RTN4IP1: variants seen among roughly 807,000 people sequenced by gnomAD.
The protein encoded by RTN4IP1 is NAD(P)H oxidoreductase RTN4IP1, mitochondrial.
Under a neutral mutation model 46.6 loss-of-function variants are expected in RTN4IP1, and 32 were observed. The observed-to-expected ratio is 0.69, with a 90% CI of 0.52 to 0.92. The LOEUF (loss-of-function observed/expected upper bound fraction) is 0.92, where lower values mean the gene tolerates loss of function less well. Among genes scored for constraint, RTN4IP1 ranks in the 40% least tolerant of loss-of-function variants. The pLI is 0.00. For missense variants in RTN4IP1, 424 were observed against 485.8 expected (o/e 0.87, Z 1.20); for synonymous variants, 167 against 161.8 (o/e 1.03, Z -0.24).
At chr6:106,572,377 C>T in intron 8 of RTN4IP1, 1 of 371,402 alleles carries the variant, frequency 2.7e-6, no homozygotes, top group Non-Finnish European at 4.9e-6. Context: ...AACCGTTCAA[C>T]AGCTCCCACT....
chr6:106,584,346 A>G (rs1482005365), intron 7 of RTN4IP1, among the ~76,000 whole-genome samples: 3 of 152,242 alleles, frequency 2.0e-5, no homozygotes, highest in Non-Finnish European at 4.4e-5. Context: ...AACCTTCATC[A>G]GATGGGAGCA....
intron 7 of RTN4IP1, among the ~76,000 whole-genome samples, chr6:106,585,786 G>C (rs1775468825): frequency 6.6e-6 from 1 of 152,166 alleles, no homozygotes; most frequent in Non-Finnish European, 1.5e-5. Context: ...TCAAGTAGGA[G>C]GAAAAGAGAA....
intron 1 of RTN4IP1, among the ~76,000 whole-genome samples, 176 bp from the exon 2 acceptor site, chr6:106,623,145 A>G (rs1469254094): frequency 6.6e-6 from 1 of 150,740 alleles, no homozygotes; most frequent in Non-Finnish European, 1.5e-5. Flanking sequence ...CAGCAAAGAC[A>G]TGGACTCAAC....
intron 4 of RTN4IP1, among the ~76,000 whole-genome samples, chr6:106,617,000 T>C (rs1227837784): frequency 1.3e-5 from 2 of 151,396 alleles, no homozygotes; most frequent in African/African-American, 4.8e-5. Flanking sequence ...ATGAATGGGA[T>C]TTGTGCTCTT....
intron 5 of RTN4IP1, among the ~76,000 whole-genome samples, chr6:106,595,823 C>T (rs78406749): frequency 0.033 from 5,039 of 152,176 alleles, 273 homozygotes; most frequent in East Asian, 0.2. Context: ...AATAACACTG[C>T]CCCTCATATC....
intron 4 of RTN4IP1, among the ~76,000 whole-genome samples, chr6:106,611,046 TACAAAAAAAAA>T (rs534704931): frequency 1.4e-3 from 191 of 141,226 alleles, no homozygotes; most frequent in African/African-American, 4.7e-3. Context: ...TTAGCTGCCT[TACAAAAAAAAA>T]AACAAAAACA....
intron 8 of RTN4IP1, 46 bp from the exon 9 acceptor site, chr6:106,572,149 T>G (rs201575391): frequency 7.0e-7 from 1 of 1,427,378 alleles, no homozygotes; most frequent in East Asian, 2.3e-5. Context: ...AGCCTACATC[T>G]TTCAAGGCAG....
At chr6:106,623,111 T>C in intron 1 of RTN4IP1, 142 bp from the exon 2 acceptor site, 1 of 776,890 alleles carries the variant, frequency 1.3e-6, no homozygotes, top group Non-Finnish European at 2.1e-6. Context: ...CATAAGTGTA[T>C]GTTCACTGCA....
At chr6:106,590,737 T>C (rs1295654018) in intron 6 of RTN4IP1, among the ~76,000 whole-genome samples, 1 of 65,350 alleles carries the variant, frequency 1.5e-5, no homozygotes, top group Non-Finnish European at 3.7e-5. Context: ...AAAAAAAAGA[T>C]ACAAGATCAA....
intron 4 of RTN4IP1, among the ~76,000 whole-genome samples, chr6:106,612,652 A>AACTACCTACTCCACCCTAACTC (rs2114669043): frequency 2.9e-4 from 1 of 3,434 alleles, no homozygotes; most frequent in African/African-American, 4.1e-4. Flanking sequence ...AACCTTTTAC[A>AACTACCTACTCCACCCTAACTC]ATTACCTGCT....
intron 4 of RTN4IP1, among the ~76,000 whole-genome samples, chr6:106,603,279 T>C (rs771489659): frequency 3.0e-4 from 46 of 152,202 alleles, no homozygotes; most frequent in Non-Finnish European, 6.5e-4. Flanking sequence ...TGGGGCCCTT[T>C]TTAATTTGTT....
At chr6:106,575,363 C>CA in intron 8 of RTN4IP1, among the ~76,000 whole-genome samples, 1 of 152,320 alleles carries the variant, frequency 6.6e-6, no homozygotes, top group South Asian at 2.1e-4. Context: ...ATCCCTGATA[C>CA]AAAGGCTGAA....
chr6:106,622,909 C>G lies in RTN4IP1; in HGVS notation c.335G>C (p.Gly112Ala), dbSNP rs143924605. 7 of 1,614,148 alleles carry G rather than the reference C, an allele frequency of 4.3e-6. No homozygotes were observed. The highest frequency in any genetic ancestry group is 5.9e-6 in the Non-Finnish European group (7 of 1,180,012). Reference sequence around the variant, plus strand: ...ACCCAGAGTCAGAGGAAATTCTTCTCCTTTGATTTTCACGTGTAAAGGATC... The same window carrying G: ...ACCCAGAGTCAGAGGAAATTCTTCTGCTTTGATTTTCACGTGTAAAGGATC... Reference protein sequence around the residue: ...KRDPLHVKIKGEEFPLTLGRD... With the variant: ...KRDPLHVKIKAEEFPLTLGRD... Residue 112 changes from glycine to alanine, a missense_variant, in exon 2 of 9, where the codon GGA becomes GCA. Transcript: ENST00000369063.
chr6:106,621,084 G>A (rs543800287), intron 3 of RTN4IP1, among the ~76,000 whole-genome samples: 35 of 152,124 alleles, frequency 2.3e-4, no homozygotes, highest in Admixed American at 1.8e-3. Flanking sequence ...ATTCAAAACC[G>A]CTGGATATTT....
chr6:106,607,030 ATGG>A (rs1776094785), intron 4 of RTN4IP1, among the ~76,000 whole-genome samples: 1 of 152,206 alleles, frequency 6.6e-6, no homozygotes, highest in Non-Finnish European at 1.5e-5. Context: ...CCAAAACAAC[ATGG>A]TACTGGTATA....
intron 5 of RTN4IP1, among the ~76,000 whole-genome samples, chr6:106,592,685 A>T (rs560384633): frequency 1.9e-4 from 29 of 152,320 alleles, no homozygotes; most frequent in Non-Finnish European, 3.5e-4. Context: ...GCACTTTGGG[A>T]GGCCGAGACA....
intron 4 of RTN4IP1, among the ~76,000 whole-genome samples, chr6:106,609,605 C>A (rs937877596): frequency 5.9e-5 from 9 of 152,132 alleles, no homozygotes; most frequent in African/African-American, 2.2e-4. Flanking sequence ...GTGAGGGGAT[C>A]GCCTGGCTAC....
intron 6 of RTN4IP1, among the ~76,000 whole-genome samples, chr6:106,589,277 GGAGAAGAAGAAA>G (rs2114637631): frequency 4.1e-5 from 1 of 24,632 alleles, no homozygotes; most frequent in Non-Finnish European, 2.0e-4. Context: ...AGAAGAAGAA[GGAGAAGAAGAAA>G]GAGAAGAAGA....
chr6:106,623,521 T>C (rs993673554), intron 1 of RTN4IP1, among the ~76,000 whole-genome samples: 2 of 152,220 alleles, frequency 1.3e-5, no homozygotes, highest in Non-Finnish European at 1.5e-5. Context: ...CCTGCACTTG[T>C]ACCTCTCAAC....
Sources: allele counts gnomAD v4.1 joint callset (sites outside exome capture counted in the v4.1 genomes callset), GRCh38; gene constraint gnomAD v4.1.1; transcripts MANE v1.5; gene names NCBI Gene and HGNC (gene_info 2026-07-23, HGNC 2026-07-21).